ANXA3: variants seen among roughly 807,000 people sequenced by gnomAD.
ANXA3 encodes 35-alpha calcimedin.
A neutral mutation model predicts 48.8 loss-of-function variants in ANXA3; 46 were observed. That is an observed-to-expected ratio of 0.94 (90% CI 0.74 to 1.21). The LOEUF is 1.21. Ranked by LOEUF, ANXA3 falls within the 50% of genes most tolerant of loss-of-function variation. The pLI is 0.00. For missense variants in ANXA3, 383 were observed against 378.6 expected, an observed-to-expected ratio of 1.01 and a Z score of -0.10; for synonymous variants, 128 against 134.7, an observed-to-expected ratio of 0.95 and a Z score of 0.35.
rs1722766465 is a variant in ANXA3 at position 78,568,028 on chromosome 4, G to A, written c.16-5152G>A. ...TGCCTTTACATGGCTGTCTTATAAG[G>A]ATACCAGTGGTATTGGATTGGGGGC... On this transcript the variant is annotated intron_variant, in intron 2 of 12. Coordinates refer to ENST00000264908, the MANE Select transcript of ANXA3 (RefSeq NM_005139.3). Among the ~76,000 whole-genome samples, 3 of 152,278 alleles carry A rather than the reference G, an allele frequency of 2.0e-5. No homozygotes were observed. In the South Asian group the frequency reaches 6.2e-4, roughly 32 times the overall value.
At chr4:78,578,336 AGG>A (rs1258425727) in intron 3 of ANXA3, among the ~76,000 whole-genome samples, 22 of 67,142 alleles carry the variant, frequency 3.3e-4, no homozygotes, top group East Asian at 5.0e-4. Flanking sequence ...AGAGAAAGGG[AGG>A]GAGGGAGGGA....
At chr4:78,571,738 A>T (rs561073026) in intron 2 of ANXA3, among the ~76,000 whole-genome samples, 49 of 152,308 alleles carry the variant, frequency 3.2e-4, no homozygotes, top group African/African-American at 1.2e-3. Context: ...ATTTTTCTCA[A>T]CATCTTTGTG....
chr4:78,597,123 T>C (rs1723438030), intron 9 of ANXA3, 196 bp from the exon 10 acceptor site: 2 of 483,270 alleles, frequency 4.1e-6, no homozygotes, highest in African/African-American at 2.0e-5. Flanking sequence ...TCTAGGGAGT[T>C]TGGGTTTTGT....
Position 78,591,230 on chromosome 4 carries a change from A to C in ANXA3, c.404-314A>C, listed in dbSNP as rs540293610. Among the ~76,000 whole-genome samples, 67 of 152,326 alleles carry C rather than the reference A, an allele frequency of 4.4e-4. No individual in the cohort carries two copies. In the South Asian group the frequency reaches 0.013, roughly 30 times the overall value. ...ATGGCCAGAATGGAAATTGAAAGGC[A>C]CACTAGTAGCTCATCCACCCCAGCT... On this transcript the variant is annotated intron_variant, in intron 6 of 12. Coordinates refer to ENST00000264908, the MANE Select transcript of ANXA3 (RefSeq NM_005139.3).
At chr4:78,566,735 G>A (rs1018792969) in intron 2 of ANXA3, among the ~76,000 whole-genome samples, 1 of 152,126 alleles carries the variant, frequency 6.6e-6, no homozygotes, top group Non-Finnish European at 1.5e-5. Context: ...CGGGTGACGG[G>A]TACACTAATA....
In ANXA3 at chr4:78,610,181, A is replaced by G. The variant is rs1723730278; in HGVS notation, c.*66A>G. 8.5e-7 allele frequency: 1 copy of G among 1,175,524 alleles called. No individual in the cohort carries two copies. The highest frequency in any genetic ancestry group is 2.0e-4 in the Middle Eastern group (1 of 5,094). The allele number at this position is 1,175,524 out of a possible 1,614,324, so 72.8% of individuals were successfully genotyped here. On this transcript the variant is annotated 3_prime_UTR_variant, in exon 13 of 13. Transcript: ENST00000264908. ...CAACAGCTCCACCTTACTTCTTCTCATACTATTTAAGAGAACAAGCAAATA... is the reference window on the plus strand; with the variant it reads ...CAACAGCTCCACCTTACTTCTTCTCGTACTATTTAAGAGAACAAGCAAATA...
chr4:78,589,923 G>C (rs182436473), intron 6 of ANXA3, among the ~76,000 whole-genome samples: 39 of 152,272 alleles, frequency 2.6e-4, no homozygotes. Flanking sequence ...CACTGAAACA[G>C]GGATCAGGGA....
At chr4:78,561,893 C>T (rs529708355) in intron 2 of ANXA3, among the ~76,000 whole-genome samples, 1 of 152,144 alleles carries the variant, frequency 6.6e-6, no homozygotes, top group Admixed American at 6.5e-5. Flanking sequence ...CAAATCAAAA[C>T]ATTTAAGCTT....
At chr4:78,608,199 AT>A (rs1316136353) in intron 12 of ANXA3, among the ~76,000 whole-genome samples, 1 of 152,308 alleles carries the variant, frequency 6.6e-6, no homozygotes, top group Admixed American at 6.5e-5. Flanking sequence ...GGAAAGTGAC[AT>A]TGTGCTAAAA....
intron 7 of ANXA3, among the ~76,000 whole-genome samples, chr4:78,592,072 G>C (rs1723308806): frequency 1.3e-5 from 2 of 152,172 alleles, no homozygotes; most frequent in Admixed American, 1.3e-4. Context: ...ATTAAATTGA[G>C]TATCAGTCTC....
intron 7 of ANXA3, among the ~76,000 whole-genome samples, chr4:78,594,032 C>G (rs1301609287): frequency 6.6e-6 from 1 of 151,946 alleles, no homozygotes; most frequent in African/African-American, 2.4e-5. Context: ...TTTCACTGTC[C>G]TAAAAATCCT....
At chr4:78,594,205 C>T (rs1055721529) in intron 7 of ANXA3, among the ~76,000 whole-genome samples, 4 of 152,142 alleles carry the variant, frequency 2.6e-5, no homozygotes, top group African/African-American at 9.7e-5. Context: ...TTTAAGGTTC[C>T]TCTATGTCTT....
intron 5 of ANXA3, 33 bp from the exon 6 acceptor site, chr4:78,586,227 G>A: frequency 6.4e-7 from 1 of 1,558,874 alleles, no homozygotes; most frequent in Non-Finnish European, 8.8e-7. Flanking sequence ...TTATTTAAGT[G>A]TTCTAAAAAT....
At chr4:78,579,172 G>T in intron 4 of ANXA3, 51 bp downstream of exon 4, 1 of 1,306,048 alleles carries the variant, frequency 7.7e-7, no homozygotes, top group South Asian at 1.3e-5. Flanking sequence ...AATGTACCAT[G>T]GTCGCTCCCA....
chr4:78,599,761 CA>C (rs1273789195), intron 10 of ANXA3, among the ~76,000 whole-genome samples: 1 of 151,536 alleles, frequency 6.6e-6, no homozygotes, highest in African/African-American at 2.4e-5. Flanking sequence ...AAAGATTCTA[CA>C]AAAAAATAAA....
intron 12 of ANXA3, among the ~76,000 whole-genome samples, chr4:78,609,317 T>G (rs1019394826): frequency 6.6e-6 from 1 of 152,202 alleles, no homozygotes; most frequent in Non-Finnish European, 1.5e-5. Context: ...TGTGAGCATC[T>G]TACACAATCC....
At chr4:78,554,382 A>G (rs1355521507) in intron 1 of ANXA3, 54 bp from the exon 2 acceptor site, 1 of 1,223,048 alleles carries the variant, frequency 8.2e-7, no homozygotes, top group Non-Finnish European at 1.2e-6. Context: ...GACTAAGATT[A>G]TTGTGTTCTG....
chr4:78,610,212 A>T lies in ANXA3; in HGVS notation c.*97A>T, dbSNP rs1237328855. Reference sequence around the variant, plus strand: ...TTTAAGAGAACAAGCAAATATAAACAGCAACTTGTGTTCCTAACAGGAATT... The same window carrying T: ...TTTAAGAGAACAAGCAAATATAAACTGCAACTTGTGTTCCTAACAGGAATT... On this transcript the variant is annotated 3_prime_UTR_variant, in exon 13 of 13. Transcript: ENST00000264908. The T allele has an allele frequency of 1.3e-6, 1 of 768,180 alleles. No homozygotes were observed. Among genetic ancestry groups the T allele is most frequent in the Non-Finnish European group, 2.1e-6 (1 of 480,540 alleles). 47.6% of individuals were successfully genotyped at this position (768,180 alleles called of 1,614,324 possible).
chr4:78,573,158 A>T (rs188170451), intron 2 of ANXA3, 22 bp from the exon 3 acceptor site: 2 of 1,542,132 alleles, frequency 1.3e-6, no homozygotes, highest in African/African-American at 2.7e-5. Flanking sequence ...AACCAATGGG[A>T]CTTTCAAGTA....
Sources: allele counts gnomAD v4.1 joint callset (sites outside exome capture counted in the v4.1 genomes callset), GRCh38; gene constraint gnomAD v4.1.1; transcripts MANE v1.5; gene names NCBI Gene and HGNC (gene_info 2026-07-23, HGNC 2026-07-21).